HACD4: variants seen among roughly 807,000 people sequenced by gnomAD.
HACD4 encodes very-long-chain (3R)-3-hydroxyacyl-CoA dehydratase 4.
HACD4 carries 35 observed loss-of-function variants against 33.3 expected under a neutral mutation model. The ratio of observed to expected loss-of-function variants is 1.05; its 90% CI spans 0.80 to 1.39. The LOEUF (loss-of-function observed/expected upper bound fraction) is 1.39. HACD4 is among the 40% of genes most tolerant of loss of function. The pLI is 0.00. For synonymous variants in HACD4, 118 were observed against 98.0 expected, an observed-to-expected ratio of 1.20 and a Z score of -1.21; for missense variants, 323 against 276.5, an observed-to-expected ratio of 1.17 and a Z score of -1.19.
Position 21,006,987 on chromosome 9 carries a change from C to G in HACD4, c.*50G>C. 1.0e-6 allele frequency: 1 copy of G among 994,174 alleles called. No individual in the cohort carries two copies. Among genetic ancestry groups the G allele is most frequent in the South Asian group, 1.3e-5 (1 of 78,590 alleles). 61.6% of individuals were successfully genotyped at this position (994,174 alleles called of 1,614,324 possible). Reference sequence around the variant, plus strand: ...AATACTTCCTGTGTTTTATTTACTGCACTGAATCCACAGCCTGTCTTTTCT... The same window carrying G: ...AATACTTCCTGTGTTTTATTTACTGGACTGAATCCACAGCCTGTCTTTTCT... On this transcript the variant is annotated 3_prime_UTR_variant, in exon 7 of 7. Coordinates refer to ENST00000495827, the MANE Select transcript of HACD4 (RefSeq NM_001010915.5). This position sits in a 1 kb window ranked among gnomAD's most constrained non-coding sequence, Gnocchi z 4.6.
Position 21,002,057 on chromosome 9 carries a change from G to A in HACD4, c.*4980C>T, listed in dbSNP as rs1317165582. On this transcript the variant is annotated 3_prime_UTR_variant, in exon 7 of 7. Coordinates refer to ENST00000495827, the MANE Select transcript of HACD4 (RefSeq NM_001010915.5). ...TACTGCATTTTTAAAAATTGATTTT[G>A]GACACACAGTGTATATAATTTTGTG... The A allele has an allele frequency of 6.6e-6, 1 of 152,026 alleles. No homozygotes were observed. The highest frequency in any genetic ancestry group is 2.4e-5 in the African/African-American group (1 of 41,404). The allele number at this position is 152,026 out of a possible 1,614,324, so 9.4% of individuals were successfully genotyped here.
chr9:21,010,191 T>A (rs373311908), intron 5 of HACD4, among the ~76,000 whole-genome samples: 113 of 152,342 alleles, frequency 7.4e-4, no homozygotes, highest in African/African-American at 2.4e-3. Context: ...TTTTATGTCT[T>A]CAGTTTTGAA....
intron 4 of HACD4, among the ~76,000 whole-genome samples, chr9:21,014,076 A>G (rs1842500627): frequency 1.3e-5 from 2 of 152,164 alleles, no homozygotes; most frequent in Admixed American, 1.3e-4. Context: ...TGGATTTTTC[A>G]TAGATGCTTT....
chr9:21,003,843 A>G lies in HACD4; in HGVS notation c.*3194T>C, dbSNP rs1241216330. 6.6e-6 allele frequency: 1 copy of G among 152,224 alleles called. No homozygotes were observed. Among genetic ancestry groups the G allele is most frequent in the African/African-American group, 2.4e-5 (1 of 41,462 alleles). The allele number at this position is 152,224 out of a possible 1,614,324, so 9.4% of individuals were successfully genotyped here. A position where few individuals can be genotyped will look rare whatever the true frequency, so the allele number is the denominator to read the frequency against. ...TATGACTTACATTACAGTAATTAGC[A>G]ACAATTCAGTAATAATCCAAAACAT... is the stretch of plus-strand genomic sequence containing the variant. On this transcript the variant is annotated 3_prime_UTR_variant, in exon 7 of 7. Coordinates refer to ENST00000495827, the MANE Select transcript of HACD4 (RefSeq NM_001010915.5).
chr9:21,014,705 T>C (rs1587829923), intron 4 of HACD4, among the ~76,000 whole-genome samples: 1 of 152,202 alleles, frequency 6.6e-6, no homozygotes, highest in Non-Finnish European at 1.5e-5. Flanking sequence ...TTTTATGGTA[T>C]ATAAATTATA....
chr9:21,029,400 TATA>T lies in HACD4; in HGVS notation c.39-5_39-3del. ...AAAAGATACGCATTCTTCCTATACCTATAAATACAGGAAAATACCATTAAACAC... is the reference window on the plus strand; with the variant it reads ...AAAAGATACGCATTCTTCCTATACCTAATACAGGAAAATACCATTAAACAC... On this transcript the variant is annotated splice_polypyrimidine_tract_variant and splice_region_variant and intron_variant, in intron 1 of 6. Transcript: ENST00000495827. 7 of 1,522,010 alleles carry T rather than the reference TATA, an allele frequency of 4.6e-6. No homozygotes were observed. Among genetic ancestry groups the T allele is most frequent in the Non-Finnish European group, 6.3e-6 (7 of 1,103,116 alleles). The allele number at this position is 1,522,010 out of a possible 1,614,324, so 94.3% of individuals were successfully genotyped here.
intron 4 of HACD4, chr9:21,015,314 C>A (rs1277732573): frequency 6.6e-6 from 1 of 152,166 alleles, no homozygotes; most frequent in Non-Finnish European, 1.5e-5. Context: ...GGACACCTCC[C>A]CAGAGTGAGG....
At chr9:21,023,358 A>G (rs968808743) in intron 3 of HACD4, among the ~76,000 whole-genome samples, 34 of 152,152 alleles carry the variant, frequency 2.2e-4, no homozygotes, top group African/African-American at 7.2e-4. Flanking sequence ...CCTAGAACTT[A>G]AAGTATAATT....
chr9:21,029,146 A>T (rs1818139670), intron 2 of HACD4, 149 bp downstream of exon 2: 2 of 558,304 alleles, frequency 3.6e-6, no homozygotes, highest in Non-Finnish European at 6.4e-6. Context: ...CTTCCCCAAG[A>T]AGGTTTTGCA....
Position 21,003,550 on chromosome 9 carries a change from A to G in HACD4, c.*3487T>C, listed in dbSNP as rs1263907941. 9 of 152,170 alleles carry G rather than the reference A, an allele frequency of 5.9e-5. No homozygotes were observed. Among genetic ancestry groups the G allele is most frequent in the Non-Finnish European group, 1.3e-4 (9 of 68,014 alleles). 9.4% of individuals were successfully genotyped at this position (152,170 alleles called of 1,614,324 possible). On this transcript the variant is annotated 3_prime_UTR_variant, in exon 7 of 7. Transcript: ENST00000495827. ...TTTTTTAAAATCCAAATATATTTAT[A>G]AAGATTTCAAGTAGCCTAATACTCA...
intron 1 of HACD4, chr9:21,031,319 T>C (rs1274043228): frequency 2.7e-6 from 1 of 366,318 alleles, no homozygotes; most frequent in East Asian, 1.6e-4. Flanking sequence ...ATGCAGCCTG[T>C]CCTTCCCATT....
intron 1 of HACD4, 61 bp from the exon 2 acceptor site, chr9:21,029,459 C>T (rs1173372701): frequency 1.9e-6 from 2 of 1,062,104 alleles, no homozygotes; most frequent in African/African-American, 1.6e-5. Flanking sequence ...CATCACTGTA[C>T]ACATGCCCTT....
chr9:21,001,587 A>C lies in HACD4; in HGVS notation c.*5450T>G, dbSNP rs2132758110. 1 of 152,246 alleles carries C rather than the reference A, an allele frequency of 6.6e-6. No individual in the cohort carries two copies. The highest frequency in any genetic ancestry group is 1.9e-4 in the East Asian group (1 of 5,190). The allele number at this position is 152,246 out of a possible 1,614,324, so 9.4% of individuals were successfully genotyped here. ...TCCAAGAGATCCACACAACTATCAA[A>C]AGCCAAAGACAGAAAGAGAATCTTG... is the stretch of plus-strand genomic sequence containing the variant. On this transcript the variant is annotated 3_prime_UTR_variant, in exon 7 of 7. Transcript: ENST00000495827.
chr9:21,018,971 A>C (rs1481561557), intron 3 of HACD4, among the ~76,000 whole-genome samples: 2 of 152,174 alleles, frequency 1.3e-5, no homozygotes, highest in Non-Finnish European at 2.9e-5. Context: ...GAATCTTAAA[A>C]TTAGTTTTAG....
In HACD4 at chr9:21,027,063, T is replaced by G. The variant is rs555747670; in HGVS notation, c.143-340A>C. Among the ~76,000 whole-genome samples, 265 of 152,298 alleles carry G rather than the reference T, an allele frequency of 1.7e-3. 1 individual carries two copies. The highest frequency in any genetic ancestry group is 5.9e-3 in the African/African-American group (247 of 41,566). The stretch of plus-strand genomic sequence containing the variant: ...CTCCTAGAATCTAGACCACCTCAAG[T>G]GTAAATAGAAGTGAGCTTGTTAAGG... On this transcript the variant is annotated intron_variant, in intron 2 of 6. Coordinates refer to ENST00000495827, the MANE Select transcript of HACD4 (RefSeq NM_001010915.5).
At chr9:21,007,984 G>C (rs760547494) in intron 6 of HACD4, 37 bp downstream of exon 6, 2 of 1,563,860 alleles carry the variant, frequency 1.3e-6, no homozygotes, top group Non-Finnish European at 1.7e-6. Context: ...AAAAAGTACA[G>C]GAAAAATGCA....
Position 21,029,388 on chromosome 9 carries a change from T to A in HACD4, c.49A>T (p.Asn17Tyr). 6.4e-7 allele frequency: 1 copy of A among 1,574,764 alleles called. No homozygotes were observed. The highest frequency in any genetic ancestry group is 8.7e-7 in the Non-Finnish European group (1 of 1,146,842). The change falls in exon 2 of 7, where the codon AAT (asparagine) becomes TAT (tyrosine). Residue 17 changes from asparagine (N) to tyrosine (Y), a missense_variant. Physicochemically the swap from Asn to Tyr is moderately radical, Grantham distance 143 (BLOSUM62 -2). Transcript: ENST00000495827. The stretch of plus-strand genomic sequence containing the variant: ...AAGTAATAGATGAAAAGATACGCAT[T>A]CTTCCTATACCTATAAATACAGGAA... ...PAWLQPRYRK[N>Y]AYLFIYYLIQ...
Position 21,002,188 on chromosome 9 carries a change from C to T in HACD4, c.*4849G>A, listed in dbSNP as rs973177490. 1 of 151,892 alleles carries T rather than the reference C, an allele frequency of 6.6e-6. No homozygotes were observed. Among genetic ancestry groups the T allele is most frequent in the African/African-American group, 2.4e-5 (1 of 41,344 alleles). The allele number at this position is 151,892 out of a possible 1,614,324, so 9.4% of individuals were successfully genotyped here. A position where few individuals can be genotyped will look rare whatever the true frequency, so the allele number is the denominator to read the frequency against. ...TTACCTTCCGGATATTAAATGTCAC[C>T]CTATGGTAACCACAAAGAAAACAGC... On this transcript the variant is annotated 3_prime_UTR_variant, in exon 7 of 7. Coordinates refer to ENST00000495827, the MANE Select transcript of HACD4 (RefSeq NM_001010915.5).
intron 4 of HACD4, among the ~76,000 whole-genome samples, chr9:21,012,647 G>A (rs1432429920): frequency 1.3e-5 from 2 of 152,170 alleles, no homozygotes; most frequent in East Asian, 3.8e-4. Context: ...ACCAGCAGTG[G>A]AGGACCTCAC....
Sources: allele counts gnomAD v4.1 joint callset (sites outside exome capture counted in the v4.1 genomes callset), GRCh38; gene constraint gnomAD v4.1.1; non-coding constraint Gnocchi (gnomAD v3.1); transcripts MANE v1.5; gene names NCBI Gene and HGNC (gene_info 2026-07-23, HGNC 2026-07-21).